The following NPAT variants were observed in gnomAD, a reference collection of about 807,000 sequenced individuals.
NPAT encodes the protein nuclear protein, coactivator of histone transcription, also known as protein NPAT.
A neutral mutation model predicts 130.7 loss-of-function variants in NPAT; 52 were observed. The observed-to-expected ratio is 0.40, with a 90% CI of 0.32 to 0.50. The LOEUF (loss-of-function observed/expected upper bound fraction) is 0.50. Among genes scored for constraint, NPAT ranks in the 20% least tolerant of loss-of-function variants. The probability of loss-of-function intolerance (pLI) is 0.68; values close to 1 mark genes in which losing one functional copy is unlikely to be tolerated. For synonymous variants in NPAT, 580 were observed against 584.8 expected (o/e 0.99, Z 0.12); for missense variants, 1,687 against 1,662.6 (o/e 1.01, Z -0.26).
chr11:108,160,824 A>G (rs778620683), intron 17 of NPAT, 56 bp downstream of exon 17: 3 of 1,488,344 alleles, frequency 2.0e-6, no homozygotes, highest in African/African-American at 1.4e-5. Context: ...TGAATTCGCT[A>G]ATCACTAAAG....
rs977409051 is a variant in NPAT, at chr11:108,192,108, A to G, written c.290+10T>C. ...CCAAAATCATTAGGCACATTCTAAT[A>G]GCTTATTACCTGATCTGAGAAAGTG... On this transcript the variant is annotated intron_variant, in intron 4 of 17. Transcript: ENST00000278612. 6.4e-7 allele frequency: 1 copy of G among 1,559,494 alleles called. No individual in the cohort carries two copies. The highest frequency in any genetic ancestry group is 1.4e-5 in the African/African-American group (1 of 73,816).
chr11:108,160,804 C>A, intron 17 of NPAT, 76 bp downstream of exon 17: 1 of 1,338,294 alleles, frequency 7.5e-7, no homozygotes, highest in Non-Finnish European at 1.0e-6. Context: ...GTTGTTGTGG[C>A]AAGAACTGCT....
At chr11:108,215,128 T>C (rs1039932705) in intron 1 of NPAT, among the ~76,000 whole-genome samples, 3 of 152,346 alleles carry the variant, frequency 2.0e-5, no homozygotes, top group African/African-American at 7.2e-5. Flanking sequence ...TTTCTTAACC[T>C]AGCTATCTTC....
chr11:108,218,726 T>G (rs1456630006), intron 1 of NPAT, among the ~76,000 whole-genome samples: 1 of 152,202 alleles, frequency 6.6e-6, no homozygotes, highest in Non-Finnish European at 1.5e-5. Context: ...AGATGAGTAC[T>G]GAAGGATGGT....
Position 108,161,788 on chromosome 11 carries a change from A to C in NPAT, c.3298T>G (p.Ser1100Ala), listed in dbSNP as rs1376431417. The C allele has an allele frequency of 6.2e-7, 1 of 1,613,986 alleles. No individual in the cohort carries two copies. ...TTTAAGGTGGAGGACACATTGGGTG[A>C]GTCAAGATTAGGAAAAGAGACTGCA... ...RNAVSFPNLD[S>A]PNVSSTLKPP... Residue 1100 changes from serine to alanine, a missense_variant, in exon 17 of 18, where the codon TCA (serine) becomes GCA (alanine). Ser to Ala is a moderately conservative substitution (Grantham distance 99). Transcript: ENST00000278612.
At chr11:108,186,648 T>G in intron 7 of NPAT, 79 bp from the exon 8 acceptor site, 1 of 1,173,166 alleles carries the variant, frequency 8.5e-7, no homozygotes, top group Non-Finnish European at 1.3e-6. Flanking sequence ...CAGACATAAA[T>G]TTTAAGATCA....
At chr11:108,180,118 G>A (rs571534332) in intron 10 of NPAT, among the ~76,000 whole-genome samples, 1 of 152,164 alleles carries the variant, frequency 6.6e-6, no homozygotes, top group Non-Finnish European at 1.5e-5. Context: ...CTTGAGCCCA[G>A]GAGTTCTAGA....
At chr11:108,222,305 A>G (rs1374904487) in intron 1 of NPAT, among the ~76,000 whole-genome samples, 195 bp downstream of exon 1, 1 of 152,112 alleles carries the variant, frequency 6.6e-6, no homozygotes, top group Non-Finnish European at 1.5e-5. Context: ...GCCTCTGAAG[A>G]GAGGAGCATC....
intron 15 of NPAT, 72 bp from the exon 16 acceptor site, chr11:108,162,252 T>C (rs990350166): frequency 5.1e-6 from 7 of 1,367,066 alleles, no homozygotes; most frequent in East Asian, 4.6e-5. Context: ...AGATGACAAT[T>C]ATCACATATC....
At chr11:108,179,711 G>A (rs1380161639) in intron 10 of NPAT, among the ~76,000 whole-genome samples, 2 of 152,026 alleles carry the variant, frequency 1.3e-5, no homozygotes, top group African/African-American at 2.4e-5. Flanking sequence ...CATTTTGGGA[G>A]GCCAAGGCAG....
In NPAT at chr11:108,173,865, G is replaced by T; in HGVS notation, c.1133-14C>A. 3 of 1,609,900 alleles carry T rather than the reference G, an allele frequency of 1.9e-6. No homozygotes were observed. Among genetic ancestry groups the T allele is most frequent in the Non-Finnish European group, 2.6e-6 (3 of 1,176,280 alleles). On this transcript the variant is annotated splice_polypyrimidine_tract_variant and intron_variant, in intron 12 of 17. Coordinates refer to ENST00000278612, the MANE Select transcript of NPAT (RefSeq NM_002519.3). Reference sequence around the variant, plus strand: ...CAGACTGACCATCTGCAAAGTATCAGGCAGGTAGACAGATATGGTAAATAT... The same window carrying T: ...CAGACTGACCATCTGCAAAGTATCATGCAGGTAGACAGATATGGTAAATAT...
intron 10 of NPAT, among the ~76,000 whole-genome samples, chr11:108,181,490 TAC>T (rs1320903119): frequency 4.6e-5 from 7 of 152,090 alleles, no homozygotes; most frequent in Admixed American, 2.0e-4. Context: ...AAAAAAAACT[TAC>T]AGCTATCTAT....
At chr11:108,201,279 A>G (rs1201585102) in intron 1 of NPAT, among the ~76,000 whole-genome samples, 1 of 152,092 alleles carries the variant, frequency 6.6e-6, no homozygotes, top group Non-Finnish European at 1.5e-5. Context: ...CAAGCAACTG[A>G]GAGGATTCTT....
At chr11:108,194,542 A>G (rs2078201828) in intron 2 of NPAT, among the ~76,000 whole-genome samples, 1 of 152,256 alleles carries the variant, frequency 6.6e-6, no homozygotes, top group Non-Finnish European at 1.5e-5. Context: ...TTATTGTGTG[A>G]ATCAATAGCA....
chr11:108,181,887 G>T (rs1032259220), intron 10 of NPAT, among the ~76,000 whole-genome samples: 3 of 152,176 alleles, frequency 2.0e-5, no homozygotes, highest in African/African-American at 7.2e-5. Context: ...AGAATCTGTG[G>T]CAGACAGAAG....
chr11:108,217,100 G>A (rs546704617), intron 1 of NPAT, among the ~76,000 whole-genome samples: 3 of 152,104 alleles, frequency 2.0e-5, no homozygotes, highest in East Asian at 1.9e-4. Context: ...CCAGGTACAC[G>A]TTTCTTCCCA....
At chr11:108,191,944 T>C (rs113308748) in intron 4 of NPAT, among the ~76,000 whole-genome samples, 174 bp downstream of exon 4, 21 of 152,370 alleles carry the variant, frequency 1.4e-4, no homozygotes, top group Non-Finnish European at 2.2e-4. Context: ...ATTAAAAGTA[T>C]GCTATTTATT....
chr11:108,169,675 T>G, intron 15 of NPAT, 69 bp downstream of exon 15: 1 of 1,109,800 alleles, frequency 9.0e-7, no homozygotes, highest in East Asian at 2.3e-5. Flanking sequence ...AAAGAAAACA[T>G]TTAGGTGTTG....
rs776753811 is a variant in NPAT at position 108,162,152 on chromosome 11, C to T, written c.3039G>A (p.Ser1013=). The change falls in exon 16 of 18, where the codon TCG becomes TCA. Residue 1013 remains serine (S), a synonymous_variant. Coordinates refer to ENST00000278612, the MANE Select transcript of NPAT (RefSeq NM_002519.3). ...CATGACATCCAACTGAATGACCTGA[C>T]GAATCCACCAAATTATTTACTTGTT... ...IGKQVNNLVD[S]SGHSVGCHAQ... is the part of the protein sequence containing the mutation. 37 of 1,613,880 alleles carry T rather than the reference C, an allele frequency of 2.3e-5. No homozygotes were observed. The highest frequency in any genetic ancestry group is 2.8e-5 in the Non-Finnish European group (33 of 1,179,824).
Sources: allele counts gnomAD v4.1 joint callset (sites outside exome capture counted in the v4.1 genomes callset), GRCh38; gene constraint gnomAD v4.1.1; transcripts MANE v1.5; gene names NCBI Gene and HGNC (gene_info 2026-07-23, HGNC 2026-07-21).